The following AFG2A variants were observed in gnomAD, a reference collection of about 807,000 sequenced individuals.
AFG2A encodes the protein AAA ATPase AFG2A, also known as ATPase family gene 2 protein homolog A.
chr4:123,193,259 A>G, the AFG2A span, among the ~76,000 whole-genome samples: 1 of 152,228 alleles, frequency 6.6e-6, no homozygotes, highest in Non-Finnish European at 1.5e-5. Flanking sequence ...ATTAGCATCC[A>G]TAGTGCTACC....
chr4:122,975,301 T>A, the AFG2A span, among the ~76,000 whole-genome samples: 1 of 151,254 alleles, frequency 6.6e-6, no homozygotes, highest in Admixed American at 6.6e-5. Flanking sequence ...AAGCCTTTCT[T>A]ATAGCTGTAT....
At chr4:122,973,089 C>T in the AFG2A span, among the ~76,000 whole-genome samples, 2 of 152,020 alleles carry the variant, frequency 1.3e-5, no homozygotes, top group Non-Finnish European at 2.9e-5. Context: ...ATTTTGTTAT[C>T]AGGCATGTAT....
chr4:123,293,281 C>T, the AFG2A span, among the ~76,000 whole-genome samples: 1 of 152,142 alleles, frequency 6.6e-6, no homozygotes, highest in Admixed American at 6.5e-5. Flanking sequence ...CTGGGGCTGC[C>T]CAACTGCTGG....
the AFG2A span, among the ~76,000 whole-genome samples, chr4:123,016,885 C>T: frequency 2.4e-3 from 364 of 152,258 alleles, no homozygotes; most frequent in African/African-American, 8.1e-3. Context: ...CTCGGGACGC[C>T]GAGGCTGGCG....
chr4:123,296,337 G>A, the AFG2A span, among the ~76,000 whole-genome samples: 1 of 152,126 alleles, frequency 6.6e-6, no homozygotes, highest in African/African-American at 2.4e-5. Context: ...TCTGTTTCTT[G>A]AACATAAATT....
the AFG2A span, chr4:123,057,203 CACCAG>C: frequency 6.2e-7 from 1 of 1,613,812 alleles, no homozygotes; most frequent in Non-Finnish European, 8.5e-7. Context: ...GCACTCTTTC[CACCAG>C]ACCTTCCGAA....
At chr4:123,140,915 G>A in the AFG2A span, among the ~76,000 whole-genome samples, 1 of 152,088 alleles carries the variant, frequency 6.6e-6, no homozygotes, top group Non-Finnish European at 1.5e-5. Flanking sequence ...AAATGCTCGT[G>A]TCATTTTAGC....
the AFG2A span, among the ~76,000 whole-genome samples, chr4:122,939,683 A>G: frequency 2.6e-5 from 4 of 151,700 alleles, no homozygotes; most frequent in Admixed American, 1.3e-4. Flanking sequence ...CACAATGTGC[A>G]GGTTAGTTAC....
chr4:122,970,468 A>C, the AFG2A span, among the ~76,000 whole-genome samples: 2 of 151,682 alleles, frequency 1.3e-5, no homozygotes, highest in South Asian at 2.1e-4. Context: ...AAAAAGTAAA[A>C]AAAAAATTTT....
the AFG2A span, among the ~76,000 whole-genome samples, chr4:122,958,295 T>C: frequency 3.4e-4 from 52 of 152,326 alleles, 1 homozygote; most frequent in East Asian, 2.5e-3. Context: ...ACTACATTTG[T>C]TTAAAACAAG....
the AFG2A span, among the ~76,000 whole-genome samples, chr4:123,008,359 A>G: frequency 6.6e-6 from 1 of 152,198 alleles, no homozygotes; most frequent in African/African-American, 2.4e-5. Context: ...CACAATCCAG[A>G]CAGCTCTCAC....
At chr4:123,273,640 C>G in the AFG2A span, among the ~76,000 whole-genome samples, 1 of 152,048 alleles carries the variant, frequency 6.6e-6, no homozygotes, top group East Asian at 1.9e-4. Flanking sequence ...ACTTTTTGAG[C>G]ACGGGCATGA....
At chr4:123,226,927 T>G in the AFG2A span, among the ~76,000 whole-genome samples, 80,212 of 152,014 alleles carry the variant, frequency 0.53, 25,798 homozygotes, top group Non-Finnish European at 0.68. Flanking sequence ...CTTCTTCCTG[T>G]TTTAGTCTTG....
the AFG2A span, among the ~76,000 whole-genome samples, chr4:123,106,527 C>T: frequency 1.3e-5 from 2 of 152,102 alleles, no homozygotes; most frequent in Admixed American, 6.5e-5. Flanking sequence ...TTGTTTAATT[C>T]GGAACACAAA....
At chr4:123,109,959 G>T in the AFG2A span, among the ~76,000 whole-genome samples, 1 of 152,040 alleles carries the variant, frequency 6.6e-6, no homozygotes, top group African/African-American at 2.4e-5. Context: ...CAAATAATTT[G>T]CTGAGCTAAA....
the AFG2A span, among the ~76,000 whole-genome samples, chr4:123,188,480 C>T: frequency 3.3e-5 from 5 of 152,138 alleles, no homozygotes; most frequent in African/African-American, 1.2e-4. Flanking sequence ...TAGAAGGAGG[C>T]TCATTCTCAT....
chr4:123,211,476 A>G, the AFG2A span, among the ~76,000 whole-genome samples: 2 of 152,186 alleles, frequency 1.3e-5, no homozygotes, highest in African/African-American at 4.8e-5. Flanking sequence ...CCTTGGATAT[A>G]TACCACCCAG....
the AFG2A span, among the ~76,000 whole-genome samples, chr4:122,925,549 G>T: frequency 6.6e-6 from 1 of 152,002 alleles, no homozygotes; most frequent in African/African-American, 2.4e-5. Context: ...ACCCCCTTCT[G>T]CCCAGGAACT....
the AFG2A span, among the ~76,000 whole-genome samples, chr4:123,017,255 C>G: frequency 2.1e-3 from 165 of 78,720 alleles, 7 homozygotes; most frequent in African/African-American, 2.6e-3. Context: ...AGAGGGAGAG[C>G]GAGAGCGAGA....
Sources: allele counts gnomAD v4.1 joint callset (sites outside exome capture counted in the v4.1 genomes callset), GRCh38; gene constraint gnomAD v4.1.1; transcripts MANE v1.5; gene names NCBI Gene and HGNC (gene_info 2026-07-23, HGNC 2026-07-21).